The following NOC3L variants were observed in gnomAD, a reference collection of about 807,000 sequenced individuals.
NOC3L encodes the protein nucleolar complex protein 3 homolog.
A neutral mutation model predicts 102.5 loss-of-function variants in NOC3L; 85 were observed. The ratio of observed to expected loss-of-function variants is 0.83; its 90% CI spans 0.70 to 0.99. The LOEUF (loss-of-function observed/expected upper bound fraction) is 0.99, where lower values mean the gene tolerates loss of function less well. Among genes scored for constraint, NOC3L ranks in the 50% least tolerant of loss-of-function variants. NOC3L has a pLI of 0.00. For synonymous variants in NOC3L, 303 were observed against 309.4 expected (o/e 0.98, Z 0.22); for missense variants, 878 against 914.9 (o/e 0.96, Z 0.52).
chr10:94,360,535 G>C (rs1469701690), intron 2 of NOC3L, among the ~76,000 whole-genome samples: 3 of 152,070 alleles, frequency 2.0e-5, no homozygotes, highest in African/African-American at 7.2e-5. Flanking sequence ...CATGAAGAGA[G>C]TAGAATGATG....
intron 10 of NOC3L, 121 bp downstream of exon 10, chr10:94,349,129 C>A: frequency 1.9e-6 from 2 of 1,058,446 alleles, no homozygotes; most frequent in South Asian, 1.7e-5. Context: ...ACATGTTAAA[C>A]ACTTAAGGAG....
In NOC3L at chr10:94,352,898, T is replaced by G; in HGVS notation, c.856A>C (p.Lys286Gln). The G allele has an allele frequency of 6.2e-7, 1 of 1,611,520 alleles. No individual in the cohort carries two copies. The highest frequency in any genetic ancestry group is 8.5e-7 in the Non-Finnish European group (1 of 1,178,026). ...RPLTEAEKST[K>Q]TRKETQKLRE... is the part of the protein sequence containing the mutation. ...TATATCTAGCAATCTAGCATTACCT[T>G]AGTAGATTTTTCTGCTTCTGTGAGG... is the stretch of plus-strand genomic sequence containing the variant. Residue 286 changes from lysine (K) to glutamine (Q), a missense_variant and splice_region_variant, in exon 7 of 21, where the codon AAG becomes CAG. By Grantham distance (53) the Lys-to-Gln change is moderately conservative. Coordinates refer to ENST00000371361, the MANE Select transcript of NOC3L (RefSeq NM_022451.11).
the NOC3L span, among the ~76,000 whole-genome samples, chr10:94,327,780 GA>G: frequency 6.6e-6 from 1 of 152,250 alleles, no homozygotes; most frequent in East Asian, 1.9e-4. Flanking sequence ...TTCCAAGGCA[GA>G]AATAACCTAA....
the NOC3L span, among the ~76,000 whole-genome samples, chr10:94,327,632 C>T: frequency 2.0e-5 from 3 of 152,094 alleles, no homozygotes; most frequent in African/African-American, 7.2e-5. Flanking sequence ...CAATAATCTA[C>T]AGATTTTTAA....
At chr10:94,321,033 A>T in the NOC3L span, among the ~76,000 whole-genome samples, 1 of 152,220 alleles carries the variant, frequency 6.6e-6, no homozygotes, top group Non-Finnish European at 1.5e-5. Context: ...CTGTAGATAC[A>T]TAATCCACCA....
In NOC3L at chr10:94,333,536, G is replaced by A. The variant is rs1157481773; in HGVS notation, c.*641C>T. ...ATGTCAGAAAACGTGAAGAACTTTA[G>A]AGACTAGAATCATATTCAAACTTTC... On this transcript the variant is annotated 3_prime_UTR_variant, in exon 21 of 21. Coordinates refer to ENST00000371361, the MANE Select transcript of NOC3L (RefSeq NM_022451.11). The A allele has an allele frequency of 6.6e-6, 1 of 152,128 alleles. No individual in the cohort carries two copies. Among genetic ancestry groups the A allele is most frequent in the Non-Finnish European group, 1.5e-5 (1 of 68,018 alleles). 9.4% of individuals were successfully genotyped at this position (152,128 alleles called of 1,614,324 possible).
chr10:94,340,508 A>C lies in NOC3L; in HGVS notation c.1645-12T>G. The stretch of plus-strand genomic sequence containing the variant: ...TGATAGCTTAGGTCCTTTAAAAAAA[A>C]AAGGGGGGGGTGAGGGGGATGGAAT... On this transcript the variant is annotated splice_polypyrimidine_tract_variant and intron_variant, in intron 14 of 20. Coordinates refer to ENST00000371361, the MANE Select transcript of NOC3L (RefSeq NM_022451.11). 1.8e-6 allele frequency: 2 copies of C among 1,115,370 alleles called. No homozygotes were observed. Among genetic ancestry groups the C allele is most frequent in the Non-Finnish European group, 2.6e-6 (2 of 777,496 alleles). The allele number at this position is 1,115,370 out of a possible 1,614,324, so 69.1% of individuals were successfully genotyped here.
At chr10:94,332,314 C>T (rs964479086), downstream of NOC3L, 8 of 152,152 alleles carry the variant, frequency 5.3e-5, no homozygotes, top group African/African-American at 1.7e-4. Flanking sequence ...TGGGTACTGT[C>T]GCATTTTTCA....
chr10:94,352,504 A>AAAAAAAC (rs141353669), intron 7 of NOC3L, 101 bp from the exon 8 acceptor site: 10 of 755,492 alleles, frequency 1.3e-5, no homozygotes, highest in South Asian at 8.6e-5. Flanking sequence ...AGTACTATTT[A>AAAAAAAC]AAAAAACAAA....
chr10:94,350,228 A>T lies in NOC3L; in HGVS notation c.1013T>A (p.Leu338Gln). Reference sequence around the variant, plus strand: ...CAAGCTCTTCACAGCGACTTCTGCCAGTCCTTTGTATGCCTTTAAGGAAAC... The same window carrying T: ...CAAGCTCTTCACAGCGACTTCTGCCTGTCCTTTGTATGCCTTTAAGGAAAC... Reference protein sequence around the residue: ...NVVSLKAYKGLAEVAVKSLCE... With the variant: ...NVVSLKAYKGQAEVAVKSLCE... The change falls in exon 9 of 21, where the codon CTG becomes CAG. Residue 338 changes from leucine (L) to glutamine (Q), a missense_variant. Coordinates refer to ENST00000371361, the MANE Select transcript of NOC3L (RefSeq NM_022451.11). 3 of 1,614,222 alleles carry T rather than the reference A, an allele frequency of 1.9e-6. No homozygotes were observed. The highest frequency in any genetic ancestry group is 2.5e-6 in the Non-Finnish European group (3 of 1,180,022).
At chr10:94,318,518 T>C in the NOC3L span, among the ~76,000 whole-genome samples, 1 of 152,176 alleles carries the variant, frequency 6.6e-6, no homozygotes, top group South Asian at 2.1e-4. Context: ...GGTGAAATCA[T>C]GACAGGGTTA....
chr10:94,321,562 AG>A, the NOC3L span, among the ~76,000 whole-genome samples: 2 of 149,264 alleles, frequency 1.3e-5, no homozygotes, highest in African/African-American at 4.9e-5. Context: ...CAGGAGGTGG[AG>A]GCTGCAGTGA....
the NOC3L span, among the ~76,000 whole-genome samples, chr10:94,320,230 TAA>T: frequency 2.0e-5 from 3 of 152,096 alleles, no homozygotes; most frequent in Non-Finnish European, 4.4e-5. Context: ...TCATTTTATG[TAA>T]AAAGAGACAA....
At chr10:94,331,032 T>C (rs941774379), downstream of NOC3L, 16 of 152,346 alleles carry the variant, frequency 1.1e-4, no homozygotes, top group African/African-American at 2.6e-4. Flanking sequence ...TATTCAGTGA[T>C]GCCAAATCTG....
At chr10:94,318,533 T>C in the NOC3L span, among the ~76,000 whole-genome samples, 369 of 152,268 alleles carry the variant, frequency 2.4e-3, 1 homozygote, top group African/African-American at 8.5e-3. Flanking sequence ...GGGTTAGAAG[T>C]AGAAAGAACT....
Position 94,337,695 on chromosome 10 carries a change from T to C in NOC3L, c.2189+82A>G. 6 of 886,680 alleles carry C rather than the reference T, an allele frequency of 6.8e-6. 1 individual carries two copies. In the South Asian group the frequency reaches 9.8e-5, roughly 14 times the overall value. The allele number at this position is 886,680 out of a possible 1,614,324, so 54.9% of individuals were successfully genotyped here. ...TGGCACTTTACATTTTGTAGTATGTTACTTTATGAAACAGTCTTCTCATAG... is the reference window on the plus strand; with the variant it reads ...TGGCACTTTACATTTTGTAGTATGTCACTTTATGAAACAGTCTTCTCATAG... On this transcript the variant is annotated intron_variant, in intron 19 of 20. Transcript: ENST00000371361.
the NOC3L span, chr10:94,322,084 T>C: frequency 5.6e-6 from 9 of 1,607,426 alleles, no homozygotes; most frequent in Non-Finnish European, 7.7e-6. Context: ...CTTCCTCACC[T>C]GAGTCCTTTC....
chr10:94,351,748 A>C (rs1352953502), intron 8 of NOC3L, among the ~76,000 whole-genome samples: 1 of 151,084 alleles, frequency 6.6e-6, no homozygotes, highest in African/African-American at 2.4e-5. Context: ...GGCTGGTCTC[A>C]AACTCCTAGC....
intron 18 of NOC3L, 124 bp downstream of exon 18, chr10:94,338,484 A>G: frequency 3.6e-6 from 4 of 1,104,386 alleles, no homozygotes; most frequent in South Asian, 3.0e-5. Flanking sequence ...CAGGAATTCT[A>G]AAAAAGGCAG....
Sources: gnomAD v4.1 joint callset for allele counts (sites outside exome capture counted in the v4.1 genomes callset) on GRCh38, gnomAD v4.1.1 for gene constraint, MANE v1.5 for transcripts, NCBI Gene and HGNC (gene_info 2026-07-23, HGNC 2026-07-21) for gene names.